Variants in EML6 observed in about 807,000 individuals in gnomAD.
The protein encoded by EML6 is echinoderm microtubule-associated protein-like 6.
A neutral mutation model predicts 240.1 loss-of-function variants in EML6; 154 were observed. The ratio of observed to expected loss-of-function variants is 0.64; its 90% CI spans 0.56 to 0.73. EML6 has a LOEUF of 0.73. Among genes scored for constraint, EML6 ranks in the 30% least tolerant of loss-of-function variants. The probability of loss-of-function intolerance (pLI) is 0.00; values close to 1 mark genes in which losing one functional copy is unlikely to be tolerated. For synonymous variants in EML6, 1,148 were observed against 899.0 expected (o/e 1.28, Z -4.95); for missense variants, 2,964 against 2,474.6 (o/e 1.20, Z -4.20).
At chr2:54,876,249 A>C (rs1671501954) in intron 16 of EML6, among the ~76,000 whole-genome samples, 1 of 152,238 alleles carries the variant, frequency 6.6e-6, no homozygotes, top group Admixed American at 6.5e-5. Context: ...GAACTGGGAA[A>C]GAGTAAAAAG....
At chr2:54,788,247 C>T (rs750991927) in intron 2 of EML6, among the ~76,000 whole-genome samples, 11 of 152,332 alleles carry the variant, frequency 7.2e-5, no homozygotes, top group Non-Finnish European at 1.3e-4. Flanking sequence ...TGTTGGCCTG[C>T]AAGGCGGGCT....
Position 54,909,073 on chromosome 2 carries a change from C to G in EML6, c.3410-1881C>G, listed in dbSNP as rs537825794. ...TTTAAGTGAAGTATGATCTTTGAAA[C>G]TATGGTGTAAAGTGAGTTGTTGGGA... On this transcript the variant is annotated intron_variant, in intron 24 of 41. Transcript: ENST00000356458. Among the ~76,000 whole-genome samples, 8 of 152,302 alleles carry G rather than the reference C, an allele frequency of 5.3e-5. No individual in the cohort carries two copies. The South Asian group carries it at 1.7e-3, about 32-fold the overall frequency.
At chr2:54,913,813 C>G (rs964948741) in intron 25 of EML6, among the ~76,000 whole-genome samples, 1 of 152,146 alleles carries the variant, frequency 6.6e-6, no homozygotes, top group Non-Finnish European at 1.5e-5. Context: ...AATCTCTAAT[C>G]CATCTTGAGT....
intron 2 of EML6, among the ~76,000 whole-genome samples, chr2:54,765,211 C>T (rs1457463465): frequency 6.6e-6 from 1 of 152,194 alleles, no homozygotes; most frequent in East Asian, 1.9e-4. Flanking sequence ...TATAATTTAA[C>T]ACACATAAGC....
intron 38 of EML6, chr2:54,966,791 G>A (rs547543020): frequency 3.3e-5 from 13 of 394,016 alleles, no homozygotes; most frequent in African/African-American, 1.4e-4. Context: ...GGAAAATAGC[G>A]AGAAAATGGA....
At chr2:54,893,261 C>G (rs553205680) in intron 19 of EML6, among the ~76,000 whole-genome samples, 16 of 152,214 alleles carry the variant, frequency 1.1e-4, no homozygotes, top group Middle Eastern at 3.4e-3. Flanking sequence ...GCTGCTGTAA[C>G]AGAATTTCTG....
At chr2:54,921,552 A>AT (rs967041097) in intron 26 of EML6, among the ~76,000 whole-genome samples, 113 of 152,044 alleles carry the variant, frequency 7.4e-4, no homozygotes, top group African/African-American at 2.5e-3. Context: ...TTCCAAAGGC[A>AT]TTTTTTTCAC....
At chr2:54,858,209 A>T (rs1027745386) in intron 11 of EML6, among the ~76,000 whole-genome samples, 2 of 152,162 alleles carry the variant, frequency 1.3e-5, no homozygotes, top group African/African-American at 4.8e-5. Flanking sequence ...CTCTCCATAG[A>T]TTGCTCCAGT....
chr2:54,886,962 G>C (rs568080053), intron 17 of EML6, among the ~76,000 whole-genome samples: 2 of 152,266 alleles, frequency 1.3e-5, no homozygotes, highest in South Asian at 4.2e-4. Context: ...GCAAGCAATA[G>C]GGGTATATTA....
At chr2:54,759,901 A>G (rs1339421474) in intron 2 of EML6, among the ~76,000 whole-genome samples, 2 of 150,294 alleles carry the variant, frequency 1.3e-5, no homozygotes, top group African/African-American at 2.4e-5. Context: ...TTGTTTACAT[A>G]TAATATATAT....
chr2:54,847,681 T>C, intron 9 of EML6, 58 bp downstream of exon 9: 1 of 1,535,356 alleles, frequency 6.5e-7, no homozygotes, highest in Non-Finnish European at 8.8e-7. Flanking sequence ...ATGTTACAAT[T>C]TTCCTGGTCA....
intron 17 of EML6, chr2:54,880,254 G>C (rs1273304892): frequency 1.3e-5 from 2 of 152,322 alleles, no homozygotes; most frequent in East Asian, 3.8e-4. Context: ...ATTGAGCTCA[G>C]CTGTTTGCCC....
chr2:54,729,777 G>T (rs73934810), intron 2 of EML6, among the ~76,000 whole-genome samples: 7,730 of 152,242 alleles, frequency 0.051, 341 homozygotes, highest in Admixed American at 0.13. Flanking sequence ...TCTATAAACC[G>T]TTTGATTTAT....
At chr2:54,889,676 A>G (rs1672355490) in intron 17 of EML6, among the ~76,000 whole-genome samples, 1 of 152,120 alleles carries the variant, frequency 6.6e-6, no homozygotes, top group African/African-American at 2.4e-5. Flanking sequence ...TAGTCATTTT[A>G]AAATTTCCTT....
rs922505704 is a variant in EML6, at chr2:54,724,084, C to T, written c.-514+307C>T. ...TTTGCCACTTGTTATTTGATTTCTC[C>T]TCGACCAGGAGCGTTTGTAGGTAGC... On this transcript the variant is annotated intron_variant, in intron 1 of 41. Coordinates refer to ENST00000356458, the MANE Select transcript of EML6 (RefSeq NM_001039753.4). The surrounding 1 kb of genome is among the most constrained non-coding windows in gnomAD (Gnocchi z 5.2). Among the ~76,000 whole-genome samples, 7 of 152,192 alleles carry T rather than the reference C, an allele frequency of 4.6e-5. No individual in the cohort carries two copies. Among genetic ancestry groups the T allele is most frequent in the Non-Finnish European group, 8.8e-5 (6 of 68,034 alleles).
intron 2 of EML6, among the ~76,000 whole-genome samples, chr2:54,796,297 T>C (rs913127927): frequency 1.3e-5 from 2 of 152,134 alleles, no homozygotes; most frequent in Non-Finnish European, 2.9e-5. Flanking sequence ...CTGAATTTCC[T>C]TATTCAGTCT....
intron 2 of EML6, among the ~76,000 whole-genome samples, chr2:54,756,782 T>C (rs77018369): frequency 0.024 from 3,710 of 152,068 alleles, 150 homozygotes; most frequent in African/African-American, 0.084. Context: ...GTGGCTTTGT[T>C]TGGGTCTTCC....
intron 28 of EML6, among the ~76,000 whole-genome samples, chr2:54,934,534 A>G (rs1675035043): frequency 6.6e-6 from 1 of 151,988 alleles, no homozygotes; most frequent in Admixed American, 6.6e-5. Flanking sequence ...AACTTAGAAC[A>G]TATATACATA....
chr2:54,817,017 T>A, intron 4 of EML6, 132 bp downstream of exon 4: 1 of 600,964 alleles, frequency 1.7e-6, no homozygotes, highest in Non-Finnish European at 3.0e-6. Context: ...CTTATAATCA[T>A]CCTCTTTTTT....
Sources: allele counts gnomAD v4.1 joint callset (sites outside exome capture counted in the v4.1 genomes callset), GRCh38; gene constraint gnomAD v4.1.1; non-coding constraint Gnocchi (gnomAD v3.1); transcripts MANE v1.5; gene names NCBI Gene and HGNC (gene_info 2026-07-23, HGNC 2026-07-21).